The following GLT1D1 variants were observed in gnomAD, a reference collection of about 807,000 sequenced individuals.
The protein encoded by GLT1D1 is glycosyltransferase 1 domain containing 1.
GLT1D1 carries 21 observed loss-of-function variants against 28.7 expected under a neutral mutation model. The ratio of observed to expected loss-of-function variants is 0.73; its 90% CI spans 0.52 to 1.05. The LOEUF is 1.05. Ranked by LOEUF, GLT1D1 falls within the 50% of genes least tolerant of loss-of-function variation. The probability of loss-of-function intolerance (pLI) is 0.00; values close to 1 mark genes in which losing one functional copy is unlikely to be tolerated. For synonymous variants in GLT1D1, 147 were observed against 124.8 expected (o/e 1.18, Z -1.19); for missense variants, 343 against 330.6 (o/e 1.04, Z -0.29).
intron 7 of GLT1D1, among the ~76,000 whole-genome samples, chr12:128,958,314 G>C (rs1185106411): frequency 6.6e-6 from 1 of 152,160 alleles, no homozygotes; most frequent in East Asian, 1.9e-4. Flanking sequence ...TTCTCTTCTG[G>C]ATAAGTGGAG....
intron 4 of GLT1D1, among the ~76,000 whole-genome samples, chr12:128,931,917 G>GCACACACACACACACACACACA (rs372135029): frequency 1.4e-5 from 2 of 141,002 alleles, no homozygotes; most frequent in African/African-American, 2.6e-5. Context: ...ACACACGCAC[G>GCACACACACACACACACACACA]CACACACACA....
In GLT1D1 at chr12:128,927,999, CAAAAAAAAAAAAAAA is replaced by C. The variant is rs938188484; in HGVS notation, c.376-17315_376-17301del. Among the ~76,000 whole-genome samples, 8 of 42,262 alleles carry C rather than the reference CAAAAAAAAAAAAAAA, an allele frequency of 1.9e-4. No homozygotes were observed. The Admixed American group carries it at 3.1e-3, about 16-fold the overall frequency. 27.7% of individuals were successfully genotyped at this position (42,262 alleles called of 152,430 possible). ...TGGCCGACAGAGCAAGACTCTGTCT[CAAAAAAAAAAAAAAA>C]AAAAAAAAAAACAAAAAAGAATAGA... is the stretch of plus-strand genomic sequence containing the variant. On this transcript the variant is annotated intron_variant, in intron 4 of 7. Coordinates refer to ENST00000281703, the MANE Select transcript of GLT1D1 (RefSeq NM_144669.3).
rs201363757 is a variant in GLT1D1, at chr12:128,926,228, AT to A, written c.376-19097del. 530 of 230,150 alleles carry A rather than the reference AT, an allele frequency of 2.3e-3. 3 individuals are homozygous for A. The highest frequency in any genetic ancestry group is 0.012 in the African/African-American group (493 of 41,950). The allele number at this position is 230,150 out of a possible 1,614,324, so 14.3% of individuals were successfully genotyped here. ...AATAATAATAATAATAATAATAATA[AT>A]AATAATAAGAGTAGGAGAAGCTGGC... On this transcript the variant is annotated intron_variant, in intron 4 of 7. Coordinates refer to ENST00000281703, the MANE Select transcript of GLT1D1 (RefSeq NM_144669.3).
intron 3 of GLT1D1, among the ~76,000 whole-genome samples, chr12:128,898,060 TTTAA>T (rs1490765383): frequency 1.3e-5 from 2 of 152,170 alleles, no homozygotes; most frequent in Non-Finnish European, 2.9e-5. Flanking sequence ...CCAACACTGT[TTTAA>T]TTGTTATATT....
At chr12:128,959,644 C>T (rs1877737435) in intron 7 of GLT1D1, among the ~76,000 whole-genome samples, 1 of 152,102 alleles carries the variant, frequency 6.6e-6, no homozygotes, top group African/African-American at 2.4e-5. Context: ...CTAAAGGCTT[C>T]TCTTTTGATA....
chr12:128,976,952 C>A (rs919309242), intron 7 of GLT1D1, among the ~76,000 whole-genome samples: 1 of 152,222 alleles, frequency 6.6e-6, no homozygotes, highest in African/African-American at 2.4e-5. Context: ...TCAAGACCAG[C>A]CTAGCCAACA....
Position 128,908,774 on chromosome 12 carries a change from C to T in GLT1D1, c.375+9487C>T, listed in dbSNP as rs545495372. 6.1e-3 allele frequency among the ~76,000 whole-genome samples: 934 copies of T among 152,040 alleles called. 8 individuals carry two copies. The highest frequency in any genetic ancestry group is 0.021 in the African/African-American group (884 of 41,450). On this transcript the variant is annotated intron_variant, in intron 4 of 7. Transcript: ENST00000281703. ...ACCATCTTGGCTAACACGGTGAAAC[C>T]CCGTCTCTACTAAAAATACAAAAAA...
At chr12:128,886,740 C>G (rs1315561186) in intron 2 of GLT1D1, among the ~76,000 whole-genome samples, 2 of 151,960 alleles carry the variant, frequency 1.3e-5, no homozygotes, top group African/African-American at 4.8e-5. Flanking sequence ...ATACCCCTCC[C>G]CTGTCCCAGC....
At chr12:128,968,087 C>T (rs1593202567) in intron 7 of GLT1D1, among the ~76,000 whole-genome samples, 1 of 152,200 alleles carries the variant, frequency 6.6e-6, no homozygotes, top group African/African-American at 2.4e-5. Context: ...AGCTCCGCCT[C>T]CCGGTTCACA....
chr12:128,858,704 A>G (rs1010549511), intron 1 of GLT1D1, among the ~76,000 whole-genome samples: 1 of 151,990 alleles, frequency 6.6e-6, no homozygotes, highest in Non-Finnish European at 1.5e-5. Context: ...TAACATAGCT[A>G]GATCTTTTTC....
intron 4 of GLT1D1, among the ~76,000 whole-genome samples, chr12:128,916,198 T>A (rs1323232655): frequency 2.6e-5 from 4 of 152,234 alleles, no homozygotes; most frequent in Admixed American, 2.6e-4. Flanking sequence ...CTGTAGACCT[T>A]TTTTCTTAGT....
chr12:128,933,554 C>T (rs1305240553), intron 4 of GLT1D1, among the ~76,000 whole-genome samples: 1 of 152,178 alleles, frequency 6.6e-6, no homozygotes, highest in Non-Finnish European at 1.5e-5. Flanking sequence ...GTTTGAAAAG[C>T]TGTGACTTGG....
intron 1 of GLT1D1, among the ~76,000 whole-genome samples, chr12:128,868,016 T>C (rs560220596): frequency 1.3e-5 from 2 of 152,366 alleles, no homozygotes; most frequent in Non-Finnish European, 2.9e-5. Context: ...AATTGAAAGC[T>C]AAGTTGAATT....
chr12:128,911,181 C>T lies in GLT1D1; in HGVS notation c.375+11894C>T, dbSNP rs150562936. On this transcript the variant is annotated intron_variant, in intron 4 of 7. Transcript: ENST00000281703. ...CTGACCTCAAATGATTTGCCTGCCT[C>T]GGCCTCCCAAAGTGCTGGGATCATA... Among the ~76,000 whole-genome samples, 1,395 of 152,316 alleles carry T rather than the reference C, an allele frequency of 9.2e-3. 18 individuals carry two copies. Among genetic ancestry groups the T allele is most frequent in the African/African-American group, 0.031 (1,273 of 41,560 alleles).
intron 4 of GLT1D1, among the ~76,000 whole-genome samples, chr12:128,931,905 A>ACACACACG (rs1873936640): frequency 2.5e-5 from 2 of 79,892 alleles, no homozygotes; most frequent in South Asian, 6.1e-4. Context: ...GGATATGTGC[A>ACACACACG]CACACACGCA....
At position 128,983,053 on chromosome 12, in the gene GLT1D1, A is replaced by T. The variant is rs1880491392; in HGVS notation, c.764A>T (p.Gln255Leu). 6.2e-7 allele frequency: 1 copy of T among 1,614,056 alleles called. No individual in the cohort carries two copies. The highest frequency in any genetic ancestry group is 1.3e-5 in the African/African-American group (1 of 74,938). ...CAGGTGGAAAGAGACACCTACCAAC[A>T]GCTCATCAGGAAGCTGGAAGGAAGC... Residue 255 changes from glutamine to leucine, a missense_variant, in exon 8 of 8, where the codon CAG becomes CTG. Physicochemically the swap from Gln to Leu is moderately radical, Grantham distance 113 (BLOSUM62 -2). Coordinates refer to ENST00000281703, the MANE Select transcript of GLT1D1 (RefSeq NM_144669.3). This position sits in a 1 kb window ranked among gnomAD's most constrained non-coding sequence, Gnocchi z 4.7.
intron 1 of GLT1D1, among the ~76,000 whole-genome samples, chr12:128,855,182 G>A (rs528898845): frequency 2.2e-5 from 3 of 135,596 alleles, no homozygotes; most frequent in Admixed American, 8.4e-5. Context: ...CTGGGATCAC[G>A]CCACTGCACT....
chr12:128,864,373 G>C (rs1323104659), intron 1 of GLT1D1, among the ~76,000 whole-genome samples: 1 of 151,958 alleles, frequency 6.6e-6, no homozygotes, highest in East Asian at 1.9e-4. Context: ...GAAAACTTAG[G>C]GAAGCCGAAG....
At chr12:128,883,936 G>A (rs1263378604) in intron 2 of GLT1D1, among the ~76,000 whole-genome samples, 1 of 152,194 alleles carries the variant, frequency 6.6e-6, no homozygotes, top group Non-Finnish European at 1.5e-5. Context: ...ACTTCTGAGA[G>A]ACCTGGAGAA....
Sources: allele counts gnomAD v4.1 joint callset (sites outside exome capture counted in the v4.1 genomes callset), GRCh38; gene constraint gnomAD v4.1.1; non-coding constraint Gnocchi (gnomAD v3.1); transcripts MANE v1.5; gene names NCBI Gene and HGNC (gene_info 2026-07-23, HGNC 2026-07-21).